BCKDHB: variants seen among roughly 807,000 people sequenced by gnomAD.
The protein encoded by BCKDHB is branched chain keto acid dehydrogenase E1 subunit beta.
In BCKDHB, 41 loss-of-function variants were observed where a neutral mutation model predicts 48.5. The observed-to-expected ratio is 0.85, with a 90% CI of 0.66 to 1.10. The LOEUF (loss-of-function observed/expected upper bound fraction) is 1.10, where lower values mean the gene tolerates loss of function less well. Among genes scored for constraint, BCKDHB ranks in the 50% least tolerant of loss-of-function variants. BCKDHB has a pLI of 0.00. For synonymous variants in BCKDHB, 201 were observed against 174.8 expected, an observed-to-expected ratio of 1.15 and a Z score of -1.18; for missense variants, 496 against 494.2, an observed-to-expected ratio of 1.00 and a Z score of -0.03.
intron 9 of BCKDHB, among the ~76,000 whole-genome samples, chr6:80,302,608 A>T (rs1767644483): frequency 1.3e-5 from 2 of 152,160 alleles, no homozygotes; most frequent in African/African-American, 4.8e-5. Context: ...GTGTTTTCTA[A>T]TAAAACAAGC....
At chr6:80,362,314 A>G in the BCKDHB span, among the ~76,000 whole-genome samples, 3 of 152,180 alleles carry the variant, frequency 2.0e-5, no homozygotes, top group African/African-American at 7.2e-5. Context: ...TCCTATAGCC[A>G]GGATAGTAGA....
chr6:80,181,811 AT>A (rs1773424586), intron 6 of BCKDHB, among the ~76,000 whole-genome samples: 1 of 152,160 alleles, frequency 6.6e-6, no homozygotes, highest in South Asian at 2.1e-4. Context: ...CCATCTCTTC[AT>A]GGGAAAAGAT....
At chr6:80,246,083 A>G (rs1007116772) in intron 8 of BCKDHB, among the ~76,000 whole-genome samples, 3 of 152,344 alleles carry the variant, frequency 2.0e-5, no homozygotes. Context: ...CTCACTAAAT[A>G]AATAAATGGA....
At chr6:80,453,636 A>T in the BCKDHB span, among the ~76,000 whole-genome samples, 1 of 152,150 alleles carries the variant, frequency 6.6e-6, no homozygotes. Flanking sequence ...TATTTGCATA[A>T]AGCCCTGAGG....
chr6:80,314,723 C>T (rs1768349802), intron 9 of BCKDHB, among the ~76,000 whole-genome samples: 1 of 152,210 alleles, frequency 6.6e-6, no homozygotes, highest in African/African-American at 2.4e-5. Flanking sequence ...AGGTGGTGGC[C>T]TGCCCCTCCC....
the BCKDHB span, among the ~76,000 whole-genome samples, chr6:80,404,398 T>C: frequency 6.6e-6 from 1 of 151,940 alleles, no homozygotes; most frequent in East Asian, 1.9e-4. Flanking sequence ...TGTGTTTCTA[T>C]GGCATTGGTT....
Position 80,171,368 on chromosome 6 carries a change from T to G in BCKDHB, c.720T>G (p.Pro240=). The G allele has an allele frequency of 6.2e-7, 1 of 1,600,366 alleles. No individual in the cohort carries two copies. Among genetic ancestry groups the G allele is most frequent in the Non-Finnish European group, 8.5e-7 (1 of 1,171,494 alleles). ...AAAATCCTTGTATATTTTTTGAACC[T>G]AAAATACTTTACAGGGCAGCAGGTA... ...EDKNPCIFFE[P]KILYRAAAEE... The change falls in exon 6 of 10, where the codon CCT becomes CCG. Residue 240 remains proline, a synonymous_variant. Transcript: ENST00000320393.
At chr6:80,228,819 T>C (rs1775788122) in intron 8 of BCKDHB, among the ~76,000 whole-genome samples, 1 of 152,048 alleles carries the variant, frequency 6.6e-6, no homozygotes, top group Non-Finnish European at 1.5e-5. Flanking sequence ...TCTCAGAAGG[T>C]TTCAGAAGTT....
chr6:80,327,380 A>G (rs1212169522), intron 9 of BCKDHB, among the ~76,000 whole-genome samples: 1 of 152,228 alleles, frequency 6.6e-6, no homozygotes, highest in African/African-American at 2.4e-5. Context: ...TACTGAATAC[A>G]TTTTGCTTTT....
At chr6:80,441,953 A>G in the BCKDHB span, among the ~76,000 whole-genome samples, 24 of 152,234 alleles carry the variant, frequency 1.6e-4, no homozygotes, top group Admixed American at 1.6e-3. Context: ...TTAATGATAC[A>G]AAGAACAAAT....
intron 8 of BCKDHB, among the ~76,000 whole-genome samples, chr6:80,236,459 G>A (rs1477460317): frequency 6.6e-6 from 1 of 152,162 alleles, no homozygotes; most frequent in African/African-American, 2.4e-5. Flanking sequence ...AGTTTAGCTG[G>A]AAAAGTGAAA....
the BCKDHB span, among the ~76,000 whole-genome samples, chr6:80,466,532 CTA>C: frequency 1.3e-5 from 2 of 152,104 alleles, no homozygotes; most frequent in Non-Finnish European, 2.9e-5. Flanking sequence ...ATATATATAA[CTA>C]TGTTAGGTGA....
At chr6:80,449,968 A>C in the BCKDHB span, among the ~76,000 whole-genome samples, 4 of 151,750 alleles carry the variant, frequency 2.6e-5, no homozygotes, top group Admixed American at 2.6e-4. Context: ...TTATTTTTGG[A>C]TTTCCTTTTT....
Position 80,176,356 on chromosome 6 carries a change from T to C in BCKDHB, c.742+4966T>C, listed in dbSNP as rs146660396. Among the ~76,000 whole-genome samples, 265 of 152,290 alleles carry C rather than the reference T, an allele frequency of 1.7e-3. 1 individual carries two copies. Among genetic ancestry groups the C allele is most frequent in the African/African-American group, 6.0e-3 (251 of 41,564 alleles). On this transcript the variant is annotated intron_variant, in intron 6 of 9. Coordinates refer to ENST00000320393, the MANE Select transcript of BCKDHB (RefSeq NM_183050.4). ...AACGCTGCAGAGTTCAAAAGCAAAG[T>C]GGAGCTCAGAATTCTGGGAGGTAAG... is the stretch of plus-strand genomic sequence containing the variant.
intron 9 of BCKDHB, among the ~76,000 whole-genome samples, chr6:80,275,677 AT>A (rs1406557785): frequency 1.3e-5 from 2 of 151,818 alleles, no homozygotes; most frequent in East Asian, 1.9e-4. Flanking sequence ...CACTTGAAAA[AT>A]TTTTTTTCAT....
At chr6:80,339,867 TCTC>T (rs1309476267) in intron 9 of BCKDHB, among the ~76,000 whole-genome samples, 4 of 152,168 alleles carry the variant, frequency 2.6e-5, no homozygotes, top group African/African-American at 9.7e-5. Flanking sequence ...TCATTGCTAT[TCTC>T]AATAGTAGGG....
the BCKDHB span, among the ~76,000 whole-genome samples, chr6:80,419,873 A>C: frequency 6.6e-6 from 1 of 152,212 alleles, no homozygotes. Context: ...ATAATTTCAA[A>C]TGATCTATCT....
intron 8 of BCKDHB, chr6:80,251,603 A>G (rs929042119): frequency 1.3e-5 from 2 of 152,166 alleles, no homozygotes; most frequent in Middle Eastern, 3.2e-3. Flanking sequence ...AAGATCATGT[A>G]TTATCAAGAG....
chr6:80,383,018 A>G, the BCKDHB span, among the ~76,000 whole-genome samples: 1 of 152,110 alleles, frequency 6.6e-6, no homozygotes, highest in East Asian at 1.9e-4. Flanking sequence ...TCTCTCATGT[A>G]CATGTTGGCT....
Sources: gnomAD v4.1 joint callset for allele counts (sites outside exome capture counted in the v4.1 genomes callset) on GRCh38, gnomAD v4.1.1 for gene constraint, MANE v1.5 for transcripts, NCBI Gene and HGNC (gene_info 2026-07-23, HGNC 2026-07-21) for gene names.